Variants in SSBP3 observed in about 807,000 individuals in gnomAD.
SSBP3 encodes the protein single stranded DNA binding protein 3, also known as single-stranded DNA-binding protein 3.
In SSBP3, 5 loss-of-function variants were observed where a neutral mutation model predicts 69.6. The observed-to-expected ratio is 0.07, with a 90% CI of 0.04 to 0.15. The LOEUF (loss-of-function observed/expected upper bound fraction) is 0.15. Ranked by LOEUF, SSBP3 falls within the 10% of genes least tolerant of loss-of-function variation. The probability of loss-of-function intolerance (pLI) is 1.00; values close to 1 mark genes in which losing one functional copy is unlikely to be tolerated. For synonymous variants in SSBP3, 196 were observed against 193.4 expected (o/e 1.01, Z -0.11); for missense variants, 312 against 534.0 (o/e 0.58, Z 4.10).
intron 9 of SSBP3, 28 bp from the exon 10 acceptor site, chr1:54,243,327 T>G (rs745321829): frequency 6.2e-7 from 1 of 1,613,596 alleles, no homozygotes; most frequent in Non-Finnish European, 8.5e-7. Flanking sequence ...GGTCAGTCTA[T>G]GAGAAGAAGG....
intron 4 of SSBP3, among the ~76,000 whole-genome samples, chr1:54,307,952 T>C (rs748323772): frequency 1.3e-5 from 2 of 152,224 alleles, no homozygotes; most frequent in Non-Finnish European, 2.9e-5. Context: ...ATTCCTTTAC[T>C]TTCTTAATAA....
chr1:54,242,076 C>T lies in SSBP3; in HGVS notation c.765+88G>A, dbSNP rs144521385. On this transcript the variant is annotated intron_variant, in intron 11 of 17. Transcript: ENST00000610401. ...GAGTCCTGCTGCATCTCCCACTTCC[C>T]GTGACACCTACACCCAGGGACAGTA... is the stretch of plus-strand genomic sequence containing the variant. The T allele has an allele frequency of 2.2e-4, 322 of 1,475,398 alleles. 2 individuals carry two copies. The African/African-American group carries it at 3.4e-3, about 16-fold the overall frequency. 91.4% of individuals were successfully genotyped at this position (1,475,398 alleles called of 1,614,324 possible).
chr1:54,266,547 T>A (rs1413731671), intron 5 of SSBP3, among the ~76,000 whole-genome samples: 2 of 152,166 alleles, frequency 1.3e-5, no homozygotes, highest in Non-Finnish European at 2.9e-5. Context: ...CTGAGTTAGA[T>A]GATGGTCCTC....
intron 5 of SSBP3, among the ~76,000 whole-genome samples, chr1:54,277,324 G>A (rs923770791): frequency 2.0e-5 from 3 of 152,062 alleles, no homozygotes; most frequent in African/African-American, 4.8e-5. Context: ...TTTGAATGGG[G>A]ACTTCTTTGC....
intron 13 of SSBP3, among the ~76,000 whole-genome samples, chr1:54,240,259 G>A (rs1414015737): frequency 6.6e-6 from 1 of 151,368 alleles, no homozygotes; most frequent in Non-Finnish European, 1.5e-5. Context: ...AGGAGTTCAA[G>A]GCCAGCCTGG....
At chr1:54,290,937 G>GCA (rs952365542) in intron 4 of SSBP3, among the ~76,000 whole-genome samples, 4 of 151,998 alleles carry the variant, frequency 2.6e-5, no homozygotes, top group East Asian at 3.9e-4. Flanking sequence ...ACACACACAC[G>GCA]CACACACACA....
intron 4 of SSBP3, among the ~76,000 whole-genome samples, chr1:54,400,328 G>A (rs1365471596): frequency 8.4e-6 from 1 of 119,578 alleles, no homozygotes; most frequent in Non-Finnish European, 1.6e-5. Flanking sequence ...TTACATAGCA[G>A]TCAAAAACTA....
exon 18 of SSBP3, chr1:54,226,480 TTTC>T (rs1644286666): frequency 6.5e-6 from 1 of 152,904 alleles, no homozygotes; most frequent in East Asian, 1.9e-4. Flanking sequence ...GTGACTGCCT[TTTC>T]TTCTTTCCAA....
intron 14 of SSBP3, among the ~76,000 whole-genome samples, chr1:54,229,545 A>T (rs1202347205): frequency 2.4e-4 from 37 of 152,266 alleles, no homozygotes; most frequent in African/African-American, 8.7e-4. Flanking sequence ...CCCATGCAGA[A>T]CTGTTGGTGT....
At chr1:54,276,827 G>A (rs1166003565) in intron 5 of SSBP3, among the ~76,000 whole-genome samples, 1 of 151,930 alleles carries the variant, frequency 6.6e-6, no homozygotes, top group African/African-American at 2.4e-5. Flanking sequence ...ACAATTGCCC[G>A]GCAACCTCTC....
chr1:54,370,448 C>G (rs1466103286), intron 4 of SSBP3, among the ~76,000 whole-genome samples: 1 of 152,244 alleles, frequency 6.6e-6, no homozygotes, highest in African/African-American at 2.4e-5. Flanking sequence ...CTTGCAATGT[C>G]TGACACGAGC....
chr1:54,233,588 G>C (rs1220366289), intron 14 of SSBP3, among the ~76,000 whole-genome samples: 1 of 146,148 alleles, frequency 6.8e-6, no homozygotes, highest in East Asian at 2.1e-4. Flanking sequence ...GAGGGAGGTG[G>C]GGGGGTCAGC....
At position 54,251,790 on chromosome 1, in the gene SSBP3, C is replaced by A; in HGVS notation, c.574+4G>T. ...CCACCCTAGGCCCACCCTGCCCTCT[C>A]TACCTTGTTGTCGTGTGGGATCCAT... On this transcript the variant is annotated splice_donor_region_variant and intron_variant, in intron 8 of 17. Coordinates refer to ENST00000610401, the Ensembl canonical transcript of SSBP3. The A allele has an allele frequency of 6.2e-7, 1 of 1,611,424 alleles. No homozygotes were observed.
At chr1:54,407,606 G>C (rs1372932886), upstream of SSBP3, among the ~76,000 whole-genome samples, 1 of 152,102 alleles carries the variant, frequency 6.6e-6, no homozygotes, top group Non-Finnish European at 1.5e-5. Context: ...ACTGTTTTTA[G>C]AGAGCGGATC....
At chr1:54,350,796 C>A (rs1646769465) in intron 4 of SSBP3, among the ~76,000 whole-genome samples, 1 of 152,136 alleles carries the variant, frequency 6.6e-6, no homozygotes, top group Non-Finnish European at 1.5e-5. Flanking sequence ...TGTAAATAAA[C>A]TCAAGAGTCT....
intron 1 of SSBP3, chr1:54,405,304 G>A: frequency 3.5e-6 from 1 of 289,172 alleles, no homozygotes; most frequent in South Asian, 4.4e-5. Flanking sequence ...AGGAGACTCG[G>A]CCCTGGACTC....
intron 4 of SSBP3, among the ~76,000 whole-genome samples, chr1:54,352,989 C>T (rs1166326158): frequency 1.3e-5 from 2 of 152,206 alleles, no homozygotes; most frequent in Admixed American, 1.3e-4. Flanking sequence ...CCGAGAACTG[C>T]AGGAGAGACA....
chr1:54,330,332 T>C (rs1047259918), intron 4 of SSBP3, among the ~76,000 whole-genome samples: 11 of 152,200 alleles, frequency 7.2e-5, no homozygotes, highest in Admixed American at 5.9e-4. Context: ...ATGGCTTCCC[T>C]TAACAGAGGC....
chr1:54,303,320 T>C (rs558616855), intron 4 of SSBP3, among the ~76,000 whole-genome samples: 4 of 151,870 alleles, frequency 2.6e-5, no homozygotes, highest in African/African-American at 9.7e-5. Context: ...TTGACACTTC[T>C]GATGCCTCGC....
Sources: allele counts gnomAD v4.1 joint callset (sites outside exome capture counted in the v4.1 genomes callset), GRCh38; gene constraint gnomAD v4.1.1; transcripts MANE v1.5; gene names NCBI Gene and HGNC (gene_info 2026-07-23, HGNC 2026-07-21).